Variants in ULK4 observed in about 807,000 individuals in gnomAD.
The protein encoded by ULK4 is inactive serine/threonine-protein kinase ULK4.
A neutral mutation model predicts 160.6 loss-of-function variants in ULK4; 133 were observed. That is an observed-to-expected ratio of 0.83 (90% CI 0.72 to 0.96). ULK4 has a LOEUF of 0.96. Ranked by LOEUF, ULK4 falls within the 40% of genes least tolerant of loss-of-function variation. The probability of loss-of-function intolerance (pLI) is 0.00; values close to 1 mark genes in which losing one functional copy is unlikely to be tolerated. For missense variants in ULK4, 1,580 were observed against 1,499.5 expected (o/e 1.05, Z -0.89); for synonymous variants, 534 against 539.8 (o/e 0.99, Z 0.15).
chr3:41,642,716 G>A (rs2034279657), intron 30 of ULK4, among the ~76,000 whole-genome samples: 1 of 152,010 alleles, frequency 6.6e-6, no homozygotes, highest in South Asian at 2.1e-4. Flanking sequence ...GTAATGGGAT[G>A]GCTGGGTCAA....
At chr3:41,743,388 G>A (rs986993121) in intron 22 of ULK4, among the ~76,000 whole-genome samples, 2 of 151,432 alleles carry the variant, frequency 1.3e-5, no homozygotes, top group Non-Finnish European at 2.9e-5. Context: ...AGGAATAAAG[G>A]AGGAATAAGA....
chr3:41,645,050 C>T (rs1317597872), intron 30 of ULK4, among the ~76,000 whole-genome samples: 10 of 151,554 alleles, frequency 6.6e-5, no homozygotes, highest in African/African-American at 2.4e-4. Flanking sequence ...TCCCCTTTAT[C>T]ATTTTTTATT....
At chr3:41,300,260 CA>C (rs2079757798) in intron 35 of ULK4, among the ~76,000 whole-genome samples, 1 of 152,072 alleles carries the variant, frequency 6.6e-6, no homozygotes, top group African/African-American at 2.4e-5. Context: ...TTTGAAACTG[CA>C]AAGAACTAAC....
chr3:41,444,692 T>C (rs923307383), intron 34 of ULK4, among the ~76,000 whole-genome samples: 2 of 151,884 alleles, frequency 1.3e-5, no homozygotes, highest in African/African-American at 4.8e-5. Flanking sequence ...GGCAAGAAAA[T>C]AAAATGGCCA....
chr3:41,437,143 T>C (rs2083054842), intron 34 of ULK4, among the ~76,000 whole-genome samples: 1 of 152,180 alleles, frequency 6.6e-6, no homozygotes, highest in Non-Finnish European at 1.5e-5. Context: ...TATTCTGATC[T>C]TTTCTGGCAG....
intron 5 of ULK4, among the ~76,000 whole-genome samples, chr3:41,925,598 T>C (rs1376814775): frequency 6.6e-6 from 1 of 151,986 alleles, no homozygotes; most frequent in African/African-American, 2.4e-5. Flanking sequence ...GGGAGTCACA[T>C]GGTCAGGCTC....
At chr3:41,638,721 T>A (rs1278386479) in intron 30 of ULK4, among the ~76,000 whole-genome samples, 1 of 152,212 alleles carries the variant, frequency 6.6e-6, no homozygotes, top group Non-Finnish European at 1.5e-5. Context: ...CCAATAACTG[T>A]CATCACATAA....
chr3:41,525,523 C>G (rs2086083270), intron 32 of ULK4, among the ~76,000 whole-genome samples: 1 of 152,142 alleles, frequency 6.6e-6, no homozygotes, highest in Admixed American at 6.5e-5. Flanking sequence ...GGCCTAGTCT[C>G]CCTCCCAAAG....
intron 34 of ULK4, among the ~76,000 whole-genome samples, chr3:41,445,605 C>G (rs1359358069): frequency 1.3e-5 from 2 of 152,006 alleles, no homozygotes; most frequent in African/African-American, 4.8e-5. Flanking sequence ...ACAAACCTGA[C>G]AAAAACAAGA....
chr3:41,876,193 A>G (rs188647578), intron 17 of ULK4, among the ~76,000 whole-genome samples: 44 of 152,298 alleles, frequency 2.9e-4, no homozygotes, highest in Admixed American at 9.8e-4. Flanking sequence ...AAACATGAGG[A>G]AAGAGACTCC....
Position 41,754,369 on chromosome 3 carries a change from G to C in ULK4, c.2313C>G (p.Cys771Trp), listed in dbSNP as rs752766327. 3.1e-6 allele frequency: 5 copies of C among 1,607,850 alleles called. No individual in the cohort carries two copies. In the South Asian group the frequency reaches 5.6e-5, roughly 18 times the overall value. ...IYNREMLLLS[C>W]QARLVMYIER... Reference sequence around the variant, plus strand: ...ATCAGAGAAAATCTTACCTTGCTTGGCAACTGAGCAGCAACATCTCACGGT... The same window carrying C: ...ATCAGAGAAAATCTTACCTTGCTTGCCAACTGAGCAGCAACATCTCACGGT... The change falls in exon 22 of 37, where the codon TGC becomes TGG. Residue 771 changes from cysteine to tryptophan, a missense_variant. Physicochemically the swap from Cys to Trp is radical, Grantham distance 215. Transcript: ENST00000301831.
At chr3:41,599,669 A>AGTATGGG (rs2031934932) in intron 31 of ULK4, among the ~76,000 whole-genome samples, 1 of 151,214 alleles carries the variant, frequency 6.6e-6, no homozygotes, top group Non-Finnish European at 1.5e-5. Flanking sequence ...GGTTCAAACA[A>AGTATGGG]TTCTCCCACC....
intron 7 of ULK4, among the ~76,000 whole-genome samples, chr3:41,916,704 ATTT>A (rs34268274): frequency 2.4e-5 from 3 of 126,866 alleles, no homozygotes; most frequent in South Asian, 2.5e-4. Context: ...AGCTCCAACT[ATTT>A]TTTTTTTTTT....
At chr3:41,867,549 T>TTA (rs1226424199) in intron 17 of ULK4, among the ~76,000 whole-genome samples, 2 of 152,172 alleles carry the variant, frequency 1.3e-5, no homozygotes, top group African/African-American at 4.8e-5. Context: ...TTTTTGTACT[T>TTA]TCAGTAGACA....
intron 35 of ULK4, among the ~76,000 whole-genome samples, chr3:41,384,161 C>T (rs143846684): frequency 1.6e-3 from 242 of 152,226 alleles, no homozygotes; most frequent in African/African-American, 5.2e-3. Context: ...AGATGACTGA[C>T]ATCACATGCT....
At chr3:41,834,577 T>C (rs1412774964) in intron 18 of ULK4, among the ~76,000 whole-genome samples, 1 of 152,240 alleles carries the variant, frequency 6.6e-6, no homozygotes, top group African/African-American at 2.4e-5. Flanking sequence ...ACGGATTTGC[T>C]GTACCAGCTA....
chr3:41,715,700 T>TTTTA, intron 23 of ULK4, 132 bp from the exon 24 acceptor site: 2 of 1,181,082 alleles, frequency 1.7e-6, no homozygotes, highest in Non-Finnish European at 2.3e-6. Flanking sequence ...GATATACTTA[T>TTTTA]TCACAAGTAC....
intron 34 of ULK4, among the ~76,000 whole-genome samples, chr3:41,451,811 C>T (rs187392880): frequency 3.3e-5 from 5 of 152,090 alleles, no homozygotes; most frequent in East Asian, 1.9e-4. Flanking sequence ...CTCAAATGGT[C>T]GGATATTGGC....
At chr3:41,684,636 G>C (rs1381199548) in intron 27 of ULK4, among the ~76,000 whole-genome samples, 1 of 152,128 alleles carries the variant, frequency 6.6e-6, no homozygotes, top group Non-Finnish European at 1.5e-5. Context: ...CACCCCAAGG[G>C]GCTTTTGTCA....
Sources: allele counts gnomAD v4.1 joint callset (sites outside exome capture counted in the v4.1 genomes callset), GRCh38; gene constraint gnomAD v4.1.1; transcripts MANE v1.5; gene names NCBI Gene and HGNC (gene_info 2026-07-23, HGNC 2026-07-21).